The following KDM7A variants were observed in gnomAD, a reference collection of about 807,000 sequenced individuals.
KDM7A encodes the protein lysine demethylase 7A, also known as lysine-specific demethylase 7A.
KDM7A carries 28 observed loss-of-function variants against 114.8 expected under a neutral mutation model. That is an observed-to-expected ratio of 0.24 (90% CI 0.18 to 0.33). The LOEUF (loss-of-function observed/expected upper bound fraction) is 0.33, where lower values mean the gene tolerates loss of function less well. Ranked by LOEUF, KDM7A falls within the 10% of genes least tolerant of loss-of-function variation. KDM7A has a pLI of 1.00. For synonymous variants in KDM7A, 423 were observed against 397.8 expected (o/e 1.06, Z -0.75); for missense variants, 942 against 1,142.5 (o/e 0.82, Z 2.53).
intron 1 of KDM7A, among the ~76,000 whole-genome samples, chr7:140,160,202 CA>C (rs1183616779): frequency 6.6e-6 from 1 of 151,986 alleles, no homozygotes; most frequent in Admixed American, 6.5e-5. Context: ...ATTAAATAAG[CA>C]ACAAAAGTGT....
intron 1 of KDM7A, among the ~76,000 whole-genome samples, chr7:140,148,984 A>G (rs1160639786): frequency 4.6e-5 from 7 of 152,102 alleles, no homozygotes; most frequent in African/African-American, 1.7e-4. Flanking sequence ...GTTCACAATC[A>G]TCTCTTAAGG....
At chr7:140,117,872 C>A (rs1293472406) in intron 9 of KDM7A, among the ~76,000 whole-genome samples, 3 of 152,164 alleles carry the variant, frequency 2.0e-5, no homozygotes, top group African/African-American at 7.2e-5. Flanking sequence ...AAGAAAGGAC[C>A]TGTCTCCTTC....
intron 1 of KDM7A, among the ~76,000 whole-genome samples, chr7:140,167,861 G>A (rs1585170113): frequency 6.6e-6 from 1 of 151,798 alleles, no homozygotes; most frequent in Non-Finnish European, 1.5e-5. Flanking sequence ...AGAATACTTA[G>A]AACATTTACC....
chr7:140,101,447 T>A lies in KDM7A; in HGVS notation c.1638+504A>T, dbSNP rs1562946404. On this transcript the variant is annotated intron_variant, in intron 12 of 19. Coordinates refer to ENST00000397560, the MANE Select transcript of KDM7A (RefSeq NM_030647.2). The stretch of plus-strand genomic sequence containing the variant: ...CGTAACCATTTGACTTCTTCCTATT[T>A]GTTACTCAGCTGTCGGTTCAAACCT... Among the ~76,000 whole-genome samples the A allele has an allele frequency of 3.3e-5, 5 of 152,312 alleles. No individual in the cohort carries two copies. The South Asian group carries it at 1.0e-3, about 32-fold the overall frequency.
At chr7:140,151,782 T>G (rs551555392) in intron 1 of KDM7A, among the ~76,000 whole-genome samples, 2 of 152,262 alleles carry the variant, frequency 1.3e-5, no homozygotes, top group Non-Finnish European at 2.9e-5. Flanking sequence ...ATAAATGAAA[T>G]AAATAGGATC....
rs747116431 is a variant in KDM7A, at chr7:140,087,583, TTTC to T, written c.*3508_*3510del. The T allele has an allele frequency of 6.6e-6, 1 of 152,216 alleles. No individual in the cohort carries two copies. Among genetic ancestry groups the T allele is most frequent in the South Asian group, 2.1e-4 (1 of 4,830 alleles). The allele number at this position is 152,216 out of a possible 1,614,324, so 9.4% of individuals were successfully genotyped here. On this transcript the variant is annotated 3_prime_UTR_variant, in exon 20 of 20. Transcript: ENST00000397560. Reference sequence around the variant, plus strand: ...CTGTATGTATGAAGTGTTAAGAGATTTTCTTAATTGATTATCATAATAAACACT... The same window carrying T: ...CTGTATGTATGAAGTGTTAAGAGATTTTAATTGATTATCATAATAAACACT...
intron 3 of KDM7A, among the ~76,000 whole-genome samples, chr7:140,132,017 AAT>A (rs1818795098): frequency 6.6e-6 from 1 of 152,224 alleles, no homozygotes; most frequent in Admixed American, 6.5e-5. Flanking sequence ...CCATTTTAAG[AAT>A]ATTATGTATA....
At position 140,111,116 on chromosome 7, in the gene KDM7A, A is replaced by G. The variant is rs898411637; in HGVS notation, c.1407T>C (p.Ser469=). 6.9e-6 allele frequency: 11 copies of G among 1,596,862 alleles called. No homozygotes were observed. The highest frequency in any genetic ancestry group is 7.7e-6 in the Non-Finnish European group (9 of 1,165,724). Residue 469 remains serine (S), a synonymous_variant, in exon 11 of 20, where the codon TCT becomes TCC. Transcript: ENST00000397560. ...TTACCTCTATTGCTCGAATTACTTT[A>G]GAAAGTTCTTTAATAAGGTGTCCAG... The part of the protein sequence containing the change: ...VRPGHLIKEL[S]KVIRAIEEEN...
intron 1 of KDM7A, among the ~76,000 whole-genome samples, chr7:140,142,911 AATC>A (rs1331968245): frequency 6.6e-6 from 1 of 152,160 alleles, no homozygotes; most frequent in Non-Finnish European, 1.5e-5. Flanking sequence ...TTAAAAAAAA[AATC>A]ATACAATAAA....
At chr7:140,106,929 T>C (rs931893782) in intron 11 of KDM7A, among the ~76,000 whole-genome samples, 1 of 152,216 alleles carries the variant, frequency 6.6e-6, no homozygotes, top group African/African-American at 2.4e-5. Context: ...CTAAGTCTTT[T>C]TGTAGGTCTC....
intron 3 of KDM7A, among the ~76,000 whole-genome samples, chr7:140,133,085 G>A (rs187860139): frequency 6.6e-6 from 1 of 152,202 alleles, no homozygotes; most frequent in African/African-American, 2.4e-5. Context: ...CACCCCTGCA[G>A]TGGTTGTGTG....
Position 140,111,152 on chromosome 7 carries a change from G to C in KDM7A, c.1371C>G (p.Asp457Glu). 3 of 1,608,030 alleles carry C rather than the reference G, an allele frequency of 1.9e-6. No homozygotes were observed. In the South Asian group the frequency reaches 3.3e-5, roughly 18 times the overall value. Residue 457 changes from aspartate to glutamate, a missense_variant, in exon 11 of 20, where the codon GAC becomes GAG. Physicochemically the swap from Asp to Glu is conservative, Grantham distance 45 (BLOSUM62 2). Coordinates refer to ENST00000397560, the MANE Select transcript of KDM7A (RefSeq NM_030647.2). Reference protein sequence around the residue: ...LVSEHAFEIPDNVRPGHLIKE... With the variant: ...LVSEHAFEIPENVRPGHLIKE... ...TAATAAGGTGTCCAGGTCTAACATT[G>C]TCTGGAATTTCAAAGGCATGTTCAG...
At chr7:140,097,689 C>T (rs569701409) in intron 14 of KDM7A, 47 bp from the exon 15 acceptor site, 12 of 1,101,542 alleles carry the variant, frequency 1.1e-5, no homozygotes, top group South Asian at 5.1e-5. Flanking sequence ...CATTTGACTA[C>T]GATGAACAAG....
rs1188077451 is a variant in KDM7A at position 140,085,864 on chromosome 7, GA to G, written c.*5229del. 1 of 152,152 alleles carries G rather than the reference GA, an allele frequency of 6.6e-6. No homozygotes were observed. The highest frequency in any genetic ancestry group is 1.5e-5 in the Non-Finnish European group (1 of 68,036). 9.4% of individuals were successfully genotyped at this position (152,152 alleles called of 1,614,324 possible). ...AAAGGAAGAAATAGTTCTAGGTAAGGAATTAACTCCTCATTATATTTTACAT... is the reference window on the plus strand; with the variant it reads ...AAAGGAAGAAATAGTTCTAGGTAAGGATTAACTCCTCATTATATTTTACAT... On this transcript the variant is annotated 3_prime_UTR_variant, in exon 20 of 20. Coordinates refer to ENST00000397560, the MANE Select transcript of KDM7A (RefSeq NM_030647.2).
chr7:140,139,019 A>G, intron 2 of KDM7A, 86 bp downstream of exon 2: 1 of 820,656 alleles, frequency 1.2e-6, no homozygotes, highest in South Asian at 1.5e-5. Flanking sequence ...TCCTCAGAGT[A>G]TCATTAAAGT....
chr7:140,112,709 T>C (rs1168828220), intron 10 of KDM7A, among the ~76,000 whole-genome samples: 1 of 133,844 alleles, frequency 7.5e-6, no homozygotes. Context: ...CATGGAGTTA[T>C]AATAAAGATG....
chr7:140,096,862 A>G (rs961944925), intron 16 of KDM7A, 37 bp downstream of exon 16: 1 of 1,599,784 alleles, frequency 6.3e-7, no homozygotes, highest in Non-Finnish European at 8.5e-7. Context: ...TATTTACCTT[A>G]CAATATAATA....
intron 1 of KDM7A, among the ~76,000 whole-genome samples, chr7:140,170,099 A>C (rs1194517681): frequency 1.3e-5 from 2 of 152,190 alleles, no homozygotes; most frequent in African/African-American, 4.8e-5. Flanking sequence ...CATGAAGGTG[A>C]AATGTATATT....
intron 2 of KDM7A, among the ~76,000 whole-genome samples, chr7:140,137,062 A>G (rs1007866980): frequency 1.3e-5 from 2 of 152,142 alleles, no homozygotes; most frequent in African/African-American, 4.8e-5. Flanking sequence ...AAAGGGATTA[A>G]CCAAGTTGGG....
Sources: gnomAD v4.1 joint callset for allele counts (sites outside exome capture counted in the v4.1 genomes callset) on GRCh38, gnomAD v4.1.1 for gene constraint, MANE v1.5 for transcripts, NCBI Gene and HGNC (gene_info 2026-07-23, HGNC 2026-07-21) for gene names.